Variants in ZMAT1 observed in about 807,000 individuals in gnomAD.
The protein encoded by ZMAT1 is zinc finger matrin-type protein 1.
In ZMAT1, 11 loss-of-function variants were observed where a neutral mutation model predicts 18.5. The observed-to-expected ratio is 0.59, with a 90% CI of 0.37 to 0.98. The LOEUF (loss-of-function observed/expected upper bound fraction) is 0.98, where lower values mean the gene tolerates loss of function less well. Ranked by LOEUF, ZMAT1 falls within the 50% of genes least tolerant of loss-of-function variation. The probability of loss-of-function intolerance (pLI) is 0.01; values close to 1 mark genes in which losing one functional copy is unlikely to be tolerated. For synonymous variants in ZMAT1, 211 were observed against 176.4 expected, an observed-to-expected ratio of 1.20 and a Z score of -1.55; for missense variants, 525 against 496.2, an observed-to-expected ratio of 1.06 and a Z score of -0.55.
At chrX:101,894,893 G>A in intron 4 of ZMAT1, 1 of 752,905 alleles carries the variant, frequency 1.3e-6, no homozygotes, top group Non-Finnish European at 1.6e-6. Flanking sequence ...TACACTAGTA[G>A]TGAGAAGGTG....
intron 1 of ZMAT1, among the ~76,000 whole-genome samples, chrX:101,912,326 C>T (rs1278352805): frequency 1.8e-5 from 2 of 111,523 alleles, no homozygotes; most frequent in Non-Finnish European, 3.8e-5. Context: ...GACCTTCAGC[C>T]TCGAACACCC....
intron 4 of ZMAT1, 51 bp downstream of exon 4, chrX:101,897,817 A>G: frequency 1.8e-6 from 2 of 1,123,445 alleles, no homozygotes; most frequent in South Asian, 2.1e-5. Flanking sequence ...GTTAGACAAA[A>G]CATGATAGGT....
chrX:101,912,013 T>C (rs1024763306), intron 1 of ZMAT1: 2 of 1,179,865 alleles, frequency 1.7e-6, no homozygotes, highest in Non-Finnish European at 2.3e-6. Flanking sequence ...GCAGGGACTG[T>C]GGAAAGGCCC....
Position 101,912,183 on chromosome X carries a change from T to C in ZMAT1, c.293-7853A>G, listed in dbSNP as rs139504139. On this transcript the variant is annotated intron_variant, in intron 1 of 5. Transcript: ENST00000651725. ...GAAACGTATATTCATACAAAAGCCT[T>C]TTCACACAGCACTCCCCTCAGACAC... 227 of 546,068 alleles carry C rather than the reference T, an allele frequency of 4.2e-4. 2 individuals carry two copies. In the East Asian group the frequency reaches 8.4e-3, roughly 20 times the overall value. 45.0% of individuals were successfully genotyped at this position (546,068 alleles called of 1,213,427 possible).
chrX:101,931,462 G>A (rs1930477635), intron 1 of ZMAT1: 2 of 751,991 alleles, frequency 2.7e-6, no homozygotes, highest in Admixed American at 8.8e-5. Flanking sequence ...TGCCTCATGA[G>A]TACCTGCAAT....
chrX:101,911,603 G>A, intron 1 of ZMAT1: 1 of 1,174,875 alleles, frequency 8.5e-7, no homozygotes, highest in Non-Finnish European at 1.2e-6. Flanking sequence ...AAGGCATTCA[G>A]TCACAGCTTG....
At chrX:101,895,681 T>TTC (rs1927749781) in intron 4 of ZMAT1, 1 of 142,676 alleles carries the variant, frequency 7.0e-6, no homozygotes. Context: ...GTTTTTTTTT[T>TTC]TCCCAACATA....
chrX:101,920,961 C>G (rs1217067289), intron 1 of ZMAT1, among the ~76,000 whole-genome samples: 2 of 109,617 alleles, frequency 1.8e-5, no homozygotes, highest in Non-Finnish European at 3.8e-5. Flanking sequence ...ATATAAAAGT[C>G]TTGCCATCTA....
chrX:101,888,739 T>C (rs1211587727), intron 4 of ZMAT1: 1 of 111,794 alleles, frequency 8.9e-6, no homozygotes, highest in Non-Finnish European at 1.9e-5. Flanking sequence ...TGATTTTTTT[T>C]AACTCATCAG....
intron 1 of ZMAT1, among the ~76,000 whole-genome samples, chrX:101,929,390 CATATAT>C (rs758833443): frequency 2.2e-5 from 2 of 91,338 alleles, no homozygotes; most frequent in Non-Finnish European, 4.3e-5. Flanking sequence ...CCATTTATGG[CATATAT>C]ATATATATTC....
intron 1 of ZMAT1, among the ~76,000 whole-genome samples, chrX:101,920,250 G>C (rs751266605): frequency 9.1e-6 from 1 of 110,285 alleles, no homozygotes; most frequent in African/African-American, 3.3e-5. Context: ...TGTTGCCTAG[G>C]CTGGTCTCAA....
At chrX:101,898,825 C>T (rs1029527586) in intron 2 of ZMAT1, among the ~76,000 whole-genome samples, 2 of 111,483 alleles carry the variant, frequency 1.8e-5, no homozygotes, top group African/African-American at 3.3e-5. Flanking sequence ...CTGAGGTGGG[C>T]GGATCACAAG....
Position 101,884,287 on chromosome X carries a change from C to A in ZMAT1, c.1311G>T (p.Trp437Cys). Reference protein sequence around the residue: ...ISPVESQLPQWLPTHSKRTYD... With the variant: ...ISPVESQLPQCLPTHSKRTYD... ...ATGTCCTCTTTGAATGGGTTGGTAGCCACTGAGGTAACTGGCTTTCCACTG... is the reference window on the plus strand; with the variant it reads ...ATGTCCTCTTTGAATGGGTTGGTAGACACTGAGGTAACTGGCTTTCCACTG... Residue 437 changes from tryptophan (W) to cysteine (C), a missense_variant, in exon 6 of 6, where the codon TGG becomes TGT. By Grantham distance (215) the Trp-to-Cys change is radical. Coordinates refer to ENST00000651725, the MANE Select transcript of ZMAT1 (RefSeq NM_001394560.1). 1 of 1,210,071 alleles carries A rather than the reference C, an allele frequency of 8.3e-7. No homozygotes were observed. The highest frequency in any genetic ancestry group is 3.0e-5 in the East Asian group (1 of 33,732).
rs749271882 is a variant in ZMAT1 at position 101,915,345 on chromosome X, C to CA, written c.293-11016dup. ...AGAAGTCCTAGCTAGAGCAATCAAA[C>CA]AAAAAATATATATATATATATAAAG... On this transcript the variant is annotated intron_variant, in intron 1 of 5. Coordinates refer to ENST00000651725, the MANE Select transcript of ZMAT1 (RefSeq NM_001394560.1). Among the ~76,000 whole-genome samples, 487 of 54,309 alleles carry CA rather than the reference C, an allele frequency of 9.0e-3. 2 individuals carry two copies. Among genetic ancestry groups the CA allele is most frequent in the Non-Finnish European group, 0.013 (377 of 28,292 alleles). The allele number at this position is 54,309 out of a possible 115,157, so 47.2% of individuals were successfully genotyped here.
Position 101,927,211 on chromosome X carries a change from T to G in ZMAT1, c.292+4506A>C, listed in dbSNP as rs751573507. Among the ~76,000 whole-genome samples, 4 of 112,666 alleles carry G rather than the reference T, an allele frequency of 3.6e-5. No homozygotes were observed. In the South Asian group the frequency reaches 1.5e-3, roughly 41 times the overall value. On this transcript the variant is annotated intron_variant, in intron 1 of 5. Transcript: ENST00000651725. The stretch of plus-strand genomic sequence containing the variant: ...ACACCATCACAATCTTAGAAAAGAA[T>G]GAGCAGAGCACAGCACTAAGTTATA...
intron 2 of ZMAT1, 38 bp from the exon 3 acceptor site, chrX:101,898,258 A>G (rs756424747): frequency 1.3e-5 from 14 of 1,118,391 alleles, no homozygotes; most frequent in Non-Finnish European, 1.3e-5. Context: ...TTATTCAATA[A>G]AAGAGTCATT....
At chrX:101,920,043 CT>C (rs34092477) in intron 1 of ZMAT1, among the ~76,000 whole-genome samples, 11 of 93,939 alleles carry the variant, frequency 1.2e-4, no homozygotes, top group Admixed American at 3.6e-4. Flanking sequence ...ATTTATTACA[CT>C]TTTTTTTTTT....
chrX:101,891,577 T>A (rs1001626415), intron 4 of ZMAT1, among the ~76,000 whole-genome samples: 5 of 110,799 alleles, frequency 4.5e-5, no homozygotes, highest in African/African-American at 1.6e-4. Flanking sequence ...AGATAATGTA[T>A]GGGTGGGCAC....
chrX:101,919,701 CGAAACTTTAAAA>C (rs1314935615), intron 1 of ZMAT1, among the ~76,000 whole-genome samples: 6 of 111,153 alleles, frequency 5.4e-5, no homozygotes, highest in African/African-American at 2.0e-4. Flanking sequence ...TGATTTTGAA[CGAAACTTTAAAA>C]GATATGTAAA....
Sources: allele counts gnomAD v4.1 joint callset (sites outside exome capture counted in the v4.1 genomes callset), GRCh38; gene constraint gnomAD v4.1.1; transcripts MANE v1.5; gene names NCBI Gene and HGNC (gene_info 2026-07-23, HGNC 2026-07-21).